ABCB11: variants seen among roughly 807,000 people sequenced by gnomAD.
ABCB11 encodes the protein bile salt export pump.
ABCB11 carries 95 observed loss-of-function variants against 148.0 expected under a neutral mutation model. That is an observed-to-expected ratio of 0.64 (90% CI 0.54 to 0.76). The LOEUF is 0.76. Among genes scored for constraint, ABCB11 ranks in the 30% least tolerant of loss-of-function variants. The pLI is 0.00. For synonymous variants in ABCB11, 591 were observed against 555.4 expected (o/e 1.06, Z -0.90); for missense variants, 1,523 against 1,617.8 (o/e 0.94, Z 1.01).
intron 9 of ABCB11, 90 bp downstream of exon 9, chr2:168,990,711 G>A (rs1455588482): frequency 3.9e-6 from 6 of 1,524,538 alleles, no homozygotes; most frequent in Non-Finnish European, 5.4e-6. Context: ...ACAGACCAAG[G>A]TGGGTCTGCC....
At chr2:168,929,070 C>T (rs1462988680) in intron 25 of ABCB11, among the ~76,000 whole-genome samples, 1 of 152,044 alleles carries the variant, frequency 6.6e-6, no homozygotes. Context: ...AAAGATTATA[C>T]TATTCAGGGA....
chr2:168,977,369 G>GT (rs1693954570), intron 11 of ABCB11, among the ~76,000 whole-genome samples: 1 of 152,148 alleles, frequency 6.6e-6, no homozygotes, highest in Middle Eastern at 3.2e-3. Flanking sequence ...ATTCTTTTGA[G>GT]TATCCATGGT....
chr2:169,012,407 AG>A (rs752943825), intron 5 of ABCB11, among the ~76,000 whole-genome samples: 5 of 152,142 alleles, frequency 3.3e-5, no homozygotes, highest in Non-Finnish European at 5.9e-5. Context: ...ACAGTAGCAT[AG>A]TGACTGTGTC....
Position 168,990,872 on chromosome 2 carries a change from C to G in ABCB11, c.837G>C (p.Val279=), listed in dbSNP as rs1485277592. Residue 279 remains valine, a synonymous_variant, in exon 9 of 28, where the codon GTG becomes GTC. Coordinates refer to ENST00000650372, the MANE Select transcript of ABCB11 (RefSeq NM_003742.4). ...YELKAYAKAG[V]VADEVISSMR... is the part of the protein sequence containing the mutation. ...TTGATGAAATGACTTCATCAGCCAC[C>G]ACCCCTGCTTTGGCATAGGCCTTCA... 1 of 1,613,230 alleles carries G rather than the reference C, an allele frequency of 6.2e-7. No homozygotes were observed. The highest frequency in any genetic ancestry group is 1.7e-5 in the Admixed American group (1 of 59,920).
intron 25 of ABCB11, among the ~76,000 whole-genome samples, chr2:168,929,053 T>C (rs998619007): frequency 3.3e-5 from 5 of 152,164 alleles, no homozygotes; most frequent in Non-Finnish European, 7.3e-5. Flanking sequence ...TAATAGTATA[T>C]TACATTAAAG....
intron 7 of ABCB11, among the ~76,000 whole-genome samples, 176 bp from the exon 8 acceptor site, chr2:168,994,058 G>T (rs539041583): frequency 6.6e-6 from 1 of 152,120 alleles, no homozygotes; most frequent in Admixed American, 6.6e-5. Flanking sequence ...ATGTTATCAA[G>T]CCTCTTTCCT....
intron 5 of ABCB11, 106 bp downstream of exon 5, chr2:169,013,166 G>T: frequency 2.5e-6 from 2 of 793,242 alleles, no homozygotes; most frequent in Non-Finnish European, 4.0e-6. Flanking sequence ...TTCTCTTTGT[G>T]TTAGATACCA....
At chr2:169,018,358 A>G (rs1200759934) in intron 1 of ABCB11, among the ~76,000 whole-genome samples, 1 of 152,190 alleles carries the variant, frequency 6.6e-6, no homozygotes, top group African/African-American at 2.4e-5. Flanking sequence ...GGTTTTCTCT[A>G]GTTGTTACAT....
downstream of ABCB11, among the ~76,000 whole-genome samples, chr2:168,920,179 T>C (rs923613032): frequency 7.9e-5 from 12 of 152,274 alleles, no homozygotes; most frequent in Non-Finnish European, 1.3e-4. Context: ...TGATTATAAT[T>C]CTTTATCGAT....
chr2:168,959,027 T>C (rs144119990), intron 18 of ABCB11, among the ~76,000 whole-genome samples: 83 of 151,818 alleles, frequency 5.5e-4, no homozygotes, highest in African/African-American at 1.5e-3. Context: ...TAATTAGTGC[T>C]CTCTTTCATT....
chr2:168,916,106 C>T (rs1352164044), downstream of ABCB11, among the ~76,000 whole-genome samples: 4 of 152,198 alleles, frequency 2.6e-5, no homozygotes. Flanking sequence ...GTTATTGAAA[C>T]TCTGCTCATT....
rs746620432 is a variant in ABCB11 at position 169,013,327 on chromosome 2, T to C, written c.334A>G (p.Ile112Val). The change falls in exon 5 of 28, where the codon ATT becomes GTT. Residue 112 changes from isoleucine to valine, a missense_variant. Physicochemically the swap from Ile to Val is conservative, Grantham distance 29 (BLOSUM62 3). Coordinates refer to ENST00000650372, the MANE Select transcript of ABCB11 (RefSeq NM_003742.4). Reference protein sequence around the residue: ...IPGKACVNNTIVWTNSSLNQN... With the variant: ...IPGKACVNNTVVWTNSSLNQN... ...TTGAGGGAACTGTTAGTCCATACAA[T>C]GGTGTTATTCACACATGCTTTTCCT... 15 of 1,613,756 alleles carry C rather than the reference T, an allele frequency of 9.3e-6. No individual in the cohort carries two copies. The East Asian group carries it at 1.3e-4, about 14-fold the overall frequency.
chr2:169,019,332 T>C (rs1321230780), intron 1 of ABCB11, among the ~76,000 whole-genome samples: 1 of 152,112 alleles, frequency 6.6e-6, no homozygotes, highest in Non-Finnish European at 1.5e-5. Context: ...TGCTAAGAAT[T>C]TTCCAGAAGC....
At chr2:168,950,427 C>A (rs1692510672) in intron 19 of ABCB11, among the ~76,000 whole-genome samples, 1 of 151,474 alleles carries the variant, frequency 6.6e-6, no homozygotes, top group Non-Finnish European at 1.5e-5. Context: ...CTTTTTTCTC[C>A]ACATCTTTGC....
intron 5 of ABCB11, among the ~76,000 whole-genome samples, chr2:169,010,680 T>A (rs1202493764): frequency 6.6e-6 from 1 of 152,196 alleles, no homozygotes; most frequent in African/African-American, 2.4e-5. Flanking sequence ...TAGAAAAATG[T>A]CCTCTCTTTT....
chr2:168,943,958 G>A (rs1012543806), intron 21 of ABCB11, among the ~76,000 whole-genome samples: 4 of 151,912 alleles, frequency 2.6e-5, no homozygotes, highest in African/African-American at 9.7e-5. Flanking sequence ...AGTGGGTAGA[G>A]ATGTTGGAAG....
At chr2:168,969,957 C>CCA in intron 15 of ABCB11, 88 bp downstream of exon 15, 2 of 549,228 alleles carry the variant, frequency 3.6e-6, no homozygotes, top group Non-Finnish European at 7.1e-6. Flanking sequence ...CTACTCCCAT[C>CCA]CCTCCCACCC....
intron 21 of ABCB11, among the ~76,000 whole-genome samples, chr2:168,940,162 A>G (rs1422560153): frequency 2.0e-5 from 3 of 152,080 alleles, no homozygotes; most frequent in Admixed American, 6.6e-5. Context: ...ACTTTAAATC[A>G]AAAGCTAGAA....
intron 17 of ABCB11, among the ~76,000 whole-genome samples, chr2:168,966,432 T>G (rs941925407): frequency 6.6e-6 from 1 of 151,870 alleles, no homozygotes; most frequent in Non-Finnish European, 1.5e-5. Flanking sequence ...TAGGCTGTCA[T>G]GAGGCCATGG....
Sources: gnomAD v4.1 joint callset for allele counts (sites outside exome capture counted in the v4.1 genomes callset) on GRCh38, gnomAD v4.1.1 for gene constraint, MANE v1.5 for transcripts, NCBI Gene and HGNC (gene_info 2026-07-23, HGNC 2026-07-21) for gene names.